The following ULK4 variants were observed in gnomAD, a reference collection of about 807,000 sequenced individuals.
ULK4 encodes the protein inactive serine/threonine-protein kinase ULK4.
Under a neutral mutation model 160.6 loss-of-function variants are expected in ULK4, and 133 were observed. The ratio of observed to expected loss-of-function variants is 0.83; its 90% CI spans 0.72 to 0.96. The LOEUF (loss-of-function observed/expected upper bound fraction) is 0.96. Among genes scored for constraint, ULK4 ranks in the 40% least tolerant of loss-of-function variants. ULK4 has a pLI of 0.00. For synonymous variants in ULK4, 534 were observed against 539.8 expected (o/e 0.99, Z 0.15); for missense variants, 1,580 against 1,499.5 (o/e 1.05, Z -0.89).
chr3:41,636,381 A>C (rs901932054), intron 30 of ULK4, among the ~76,000 whole-genome samples: 4 of 152,076 alleles, frequency 2.6e-5, no homozygotes, highest in Non-Finnish European at 4.4e-5. Flanking sequence ...CAAAAAATAC[A>C]AAAATTAGGT....
chr3:41,670,748 A>C (rs183075781), intron 29 of ULK4, among the ~76,000 whole-genome samples: 116 of 152,214 alleles, frequency 7.6e-4, no homozygotes, highest in Middle Eastern at 3.4e-3. Flanking sequence ...ATCAACAGCA[A>C]ATTTTCATTA....
At chr3:41,800,052 T>G (rs2040409739) in intron 20 of ULK4, 80 bp downstream of exon 20, 2 of 1,263,738 alleles carry the variant, frequency 1.6e-6, no homozygotes, top group African/African-American at 3.1e-5. Context: ...TAAATTAAAT[T>G]TATTCTTATT....
intron 25 of ULK4, 26 bp from the exon 26 acceptor site, chr3:41,705,331 A>C (rs1168206747): frequency 1.3e-6 from 2 of 1,559,080 alleles, no homozygotes; most frequent in African/African-American, 2.8e-5. Flanking sequence ...TTTTTAATAA[A>C]TAGAGTTTCA....
intron 17 of ULK4, among the ~76,000 whole-genome samples, chr3:41,858,706 T>C (rs1002891624): frequency 7.4e-5 from 11 of 148,008 alleles, no homozygotes; most frequent in Admixed American, 3.4e-4. Context: ...GGTTTCACCA[T>C]GCTGCCCAGG....
chr3:41,896,170 C>T (rs1203164877), intron 15 of ULK4, among the ~76,000 whole-genome samples: 2 of 152,144 alleles, frequency 1.3e-5, no homozygotes, highest in Non-Finnish European at 2.9e-5. Context: ...GTAAAGGAAC[C>T]GACACCCCCG....
chr3:41,392,187 C>G (rs1310825402), intron 35 of ULK4, among the ~76,000 whole-genome samples: 1 of 152,074 alleles, frequency 6.6e-6, no homozygotes. Context: ...ATTTCCATCA[C>G]ATTTTTAAAG....
chr3:41,490,260 T>A (rs2084702211), intron 32 of ULK4, among the ~76,000 whole-genome samples: 1 of 152,150 alleles, frequency 6.6e-6, no homozygotes. Flanking sequence ...CCTCCACTGA[T>A]AAGGGAGCCT....
chr3:41,472,270 A>T (rs2125887732), intron 32 of ULK4, among the ~76,000 whole-genome samples: 1 of 152,192 alleles, frequency 6.6e-6, no homozygotes, highest in East Asian at 1.9e-4. Flanking sequence ...CTAAATCATA[A>T]AGAAAAAGAA....
intron 31 of ULK4, among the ~76,000 whole-genome samples, chr3:41,567,784 C>T (rs138927992): frequency 0.017 from 2,526 of 152,080 alleles, 62 homozygotes; most frequent in African/African-American, 0.058. Flanking sequence ...TTTTATTTTA[C>T]TTTTTAAATG....
At chr3:41,312,596 A>G (rs1575422496) in intron 35 of ULK4, among the ~76,000 whole-genome samples, 1 of 152,142 alleles carries the variant, frequency 6.6e-6, no homozygotes, top group Non-Finnish European at 1.5e-5. Flanking sequence ...GGAGTTTGAG[A>G]CCAGCCTGGG....
At chr3:41,698,445 A>G (rs2036568781) in intron 27 of ULK4, among the ~76,000 whole-genome samples, 1 of 152,160 alleles carries the variant, frequency 6.6e-6, no homozygotes, top group African/African-American at 2.4e-5. Flanking sequence ...TTTGAGCACC[A>G]ACATGACGCT....
At chr3:41,721,977 A>C (rs147465116) in intron 22 of ULK4, among the ~76,000 whole-genome samples, 1 of 152,324 alleles carries the variant, frequency 6.6e-6, no homozygotes, top group African/African-American at 2.4e-5. Flanking sequence ...TATTGAAACA[A>C]AGATGTCAAC....
chr3:41,464,416 G>T (rs1247873661), intron 32 of ULK4, among the ~76,000 whole-genome samples: 1 of 152,064 alleles, frequency 6.6e-6, no homozygotes, highest in Non-Finnish European at 1.5e-5. Context: ...AAACAAAACT[G>T]AGTTTCAAGG....
At chr3:41,800,799 A>G (rs991943881) in intron 19 of ULK4, among the ~76,000 whole-genome samples, 1 of 152,208 alleles carries the variant, frequency 6.6e-6, no homozygotes, top group Non-Finnish European at 1.5e-5. Context: ...TGGTGTGACG[A>G]AATTAATCCT....
intron 35 of ULK4, among the ~76,000 whole-genome samples, chr3:41,371,504 G>C (rs916507453): frequency 6.6e-6 from 1 of 152,174 alleles, no homozygotes; most frequent in Non-Finnish European, 1.5e-5. Flanking sequence ...CAGGCAAACA[G>C]GGTCTGAAGT....
chr3:41,537,922 C>A (rs1030659573), intron 32 of ULK4, among the ~76,000 whole-genome samples: 3 of 120,128 alleles, frequency 2.5e-5, no homozygotes, highest in Non-Finnish European at 5.2e-5. Context: ...TCCTTTGTGG[C>A]ATTTTTTTTT....
intron 30 of ULK4, among the ~76,000 whole-genome samples, chr3:41,646,025 T>A (rs1287797466): frequency 6.6e-6 from 1 of 150,646 alleles, no homozygotes; most frequent in Non-Finnish European, 1.5e-5. Context: ...CCCTGCCTTT[T>A]TTTGTTTTCC....
intron 32 of ULK4, among the ~76,000 whole-genome samples, chr3:41,558,004 C>A (rs2087366215): frequency 6.6e-6 from 1 of 152,086 alleles, no homozygotes; most frequent in Admixed American, 6.5e-5. Context: ...AGCAATCTCA[C>A]ATGCTCTTGT....
chr3:41,587,027 T>C (rs1164291060), intron 31 of ULK4, among the ~76,000 whole-genome samples: 5 of 152,122 alleles, frequency 3.3e-5, no homozygotes, highest in Non-Finnish European at 7.4e-5. Flanking sequence ...GGTCTCACAA[T>C]ACTAAAATCA....
Sources: allele counts gnomAD v4.1 joint callset (sites outside exome capture counted in the v4.1 genomes callset), GRCh38; gene constraint gnomAD v4.1.1; transcripts MANE v1.5; gene names NCBI Gene and HGNC (gene_info 2026-07-23, HGNC 2026-07-21).